CD163L1: variants seen among roughly 807,000 people sequenced by gnomAD.
CD163L1 encodes the protein CD163 molecule like 1, also known as scavenger receptor cysteine-rich type 1 protein M160.
Under a neutral mutation model 165.4 loss-of-function variants are expected in CD163L1, and 124 were observed. That is an observed-to-expected ratio of 0.75 (90% CI 0.65 to 0.87). CD163L1 has a LOEUF of 0.87. CD163L1 is among the 40% of genes least tolerant of loss of function. The pLI, the probability that CD163L1 is intolerant of heterozygous loss-of-function variation, is 0.00. For synonymous variants in CD163L1, 585 were observed against 662.2 expected, an observed-to-expected ratio of 0.88 and a Z score of 1.79; for missense variants, 1,525 against 1,799.9, an observed-to-expected ratio of 0.85 and a Z score of 2.76.
chr12:7,382,642 G>C (rs1430696746), intron 8 of CD163L1, among the ~76,000 whole-genome samples: 1 of 152,172 alleles, frequency 6.6e-6, no homozygotes, highest in Non-Finnish European at 1.5e-5. Flanking sequence ...CTAGTACAGG[G>C]AGCTGCCTAG....
At chr12:7,421,595 ATATATG>A (rs1449352027) in intron 4 of CD163L1, among the ~76,000 whole-genome samples, 1 of 12,312 alleles carries the variant, frequency 8.1e-5, no homozygotes, top group Non-Finnish European at 2.9e-4. Flanking sequence ...ATACATATAC[ATATATG>A]TACACATATA....
chr12:7,444,140 TC>T lies in CD163L1; in HGVS notation c.-14del. ...GAGGCAGCATCATTATGGGTCTATC[TC>T]TTCCTGAGTCCTGATGTAACTCCTG... On this transcript the variant is annotated 5_prime_UTR_variant, in exon 1 of 20. Coordinates refer to ENST00000313599, the MANE Select transcript of CD163L1 (RefSeq NM_174941.6). The T allele has an allele frequency of 6.2e-7, 1 of 1,613,664 alleles. No individual in the cohort carries two copies. The highest frequency in any genetic ancestry group is 1.3e-5 in the African/African-American group (1 of 75,040).
chr12:7,396,516 A>C, intron 7 of CD163L1, 101 bp from the exon 8 acceptor site: 1 of 1,107,346 alleles, frequency 9.0e-7, no homozygotes, highest in South Asian at 1.6e-5. Flanking sequence ...GTCAAACACC[A>C]GTCTAGATGG....
At chr12:7,403,948 T>A (rs138471895) in intron 5 of CD163L1, 93 bp from the exon 6 acceptor site, 2 of 947,234 alleles carry the variant, frequency 2.1e-6, no homozygotes, top group Non-Finnish European at 3.2e-6. Context: ...GAAGATTAGA[T>A]GTATCCTTCA....
downstream of CD163L1, among the ~76,000 whole-genome samples, chr12:7,352,692 G>A (rs1008998913): frequency 2.6e-5 from 4 of 151,960 alleles, no homozygotes; most frequent in African/African-American, 9.7e-5. Context: ...TTAAAACCAG[G>A]TTTGAAAATA....
At chr12:7,438,484 C>T (rs979138013) in intron 2 of CD163L1, among the ~76,000 whole-genome samples, 4 of 152,140 alleles carry the variant, frequency 2.6e-5, no homozygotes, top group African/African-American at 9.7e-5. Flanking sequence ...ATAAAATAAG[C>T]TGATGAAGCT....
chr12:7,321,253 G>C, the CD163L1 span, among the ~76,000 whole-genome samples: 27 of 152,134 alleles, frequency 1.8e-4, 1 homozygote, highest in African/African-American at 6.3e-4. Flanking sequence ...AGAAAGAAAA[G>C]CACATTTATA....
At chr12:7,383,865 C>A (rs560696768) in intron 8 of CD163L1, among the ~76,000 whole-genome samples, 1 of 152,072 alleles carries the variant, frequency 6.6e-6, no homozygotes, top group Non-Finnish European at 1.5e-5. Context: ...CGATTTTATA[C>A]CAGATGCACA....
chr12:7,379,127 C>G lies in CD163L1; in HGVS notation c.2222G>C (p.Arg741Thr), dbSNP rs1947331961. The part of the protein sequence containing the change: ...LECGSAIRVS[R>T]EPHFTERTLH... Reference sequence around the variant, plus strand: ...TGTTCTTTCTGTGAAATGAGGCTCTCTGGAGACCCTGATTGCAGACCCACA... The same window carrying G: ...TGTTCTTTCTGTGAAATGAGGCTCTGTGGAGACCCTGATTGCAGACCCACA... The change falls in exon 9 of 20, where the codon AGA becomes ACA. Residue 741 changes from arginine to threonine, a missense_variant. Physicochemically the swap from Arg to Thr is moderately conservative, Grantham distance 71. Coordinates refer to ENST00000313599, the MANE Select transcript of CD163L1 (RefSeq NM_174941.6). 1.2e-6 allele frequency: 2 copies of G among 1,614,058 alleles called. No homozygotes were observed. Among genetic ancestry groups the G allele is most frequent in the Non-Finnish European group, 1.7e-6 (2 of 1,180,030 alleles).
intron 8 of CD163L1, among the ~76,000 whole-genome samples, chr12:7,379,560 A>G (rs772783364): frequency 1.1e-4 from 16 of 152,240 alleles, no homozygotes; most frequent in Non-Finnish European, 2.1e-4. Flanking sequence ...GCAAGGATAT[A>G]GTTTTACTTA....
In CD163L1 at chr12:7,407,811, AC is replaced by A. The variant is rs1474492508; in HGVS notation, c.767-960del. On this transcript the variant is annotated intron_variant, in intron 4 of 19. Coordinates refer to ENST00000313599, the MANE Select transcript of CD163L1 (RefSeq NM_174941.6). Reference sequence around the variant, plus strand: ...CACACACACACACACACACACAGACACACACACACACACACATACACACACA... The same window carrying A: ...CACACACACACACACACACACAGACAACACACACACACACATACACACACA... 8.0e-5 allele frequency among the ~76,000 whole-genome samples: 12 copies of A among 150,190 alleles called. No homozygotes were observed. In the East Asian group the frequency reaches 2.2e-3, roughly 27 times the overall value.
chr12:7,391,159 A>G (rs1174403887), intron 8 of CD163L1, among the ~76,000 whole-genome samples: 3 of 152,200 alleles, frequency 2.0e-5, no homozygotes, highest in African/African-American at 7.2e-5. Flanking sequence ...ACAAACAGAA[A>G]GGAATAGTAT....
chr12:7,323,367 T>C, the CD163L1 span: 1 of 1,595,132 alleles, frequency 6.3e-7, no homozygotes, highest in Non-Finnish European at 8.6e-7. Flanking sequence ...AACGTTTTCC[T>C]TTTCTGCTAT....
chr12:7,399,662 T>A (rs1464041443), intron 6 of CD163L1, among the ~76,000 whole-genome samples: 5 of 151,954 alleles, frequency 3.3e-5, no homozygotes, highest in African/African-American at 4.8e-5. Flanking sequence ...TAGAGTGCTG[T>A]GGCACAATCT....
At position 7,393,175 on chromosome 12, in the gene CD163L1, A is replaced by C. The variant is rs149320956; in HGVS notation, c.2050+2920T>G. 1.8e-3 allele frequency among the ~76,000 whole-genome samples: 272 copies of C among 152,348 alleles called. 1 individual carries two copies. Among genetic ancestry groups the C allele is most frequent in the African/African-American group, 4.4e-3 (182 of 41,580 alleles). On this transcript the variant is annotated intron_variant, in intron 8 of 19. Transcript: ENST00000313599. ...GAACATCGATGCAAAAATCCTCAAT[A>C]AAATACTGGCAAACCGAATCCAGCA...
downstream of CD163L1, among the ~76,000 whole-genome samples, chr12:7,343,576 A>C (rs1049956513): frequency 2.6e-5 from 4 of 152,164 alleles, no homozygotes; most frequent in African/African-American, 9.7e-5. Flanking sequence ...CAAAAGCAAA[A>C]GAGAGAGCAG....
chr12:7,356,401 T>C (rs1437746817), intron 19 of CD163L1, among the ~76,000 whole-genome samples: 1 of 152,112 alleles, frequency 6.6e-6, no homozygotes, highest in Non-Finnish European at 1.5e-5. Context: ...AATAATATAT[T>C]TTTGAGAAAA....
rs1301437121 is a variant in CD163L1 at position 7,432,961 on chromosome 12, C to A, written c.446-225G>T. Reference sequence around the variant, plus strand: ...AAAAATCAATCATTAGCATGATATTCTTTATCATTTTGCTTTAATTTTATA... The same window carrying A: ...AAAAATCAATCATTAGCATGATATTATTTATCATTTTGCTTTAATTTTATA... On this transcript the variant is annotated intron_variant, in intron 3 of 19. Transcript: ENST00000313599. This position sits in a 1 kb window ranked among gnomAD's most constrained non-coding sequence, Gnocchi z 4.2. Among the ~76,000 whole-genome samples the A allele has an allele frequency of 2.0e-5, 3 of 152,058 alleles. No homozygotes were observed. The highest frequency in any genetic ancestry group is 7.2e-5 in the African/African-American group (3 of 41,420).
At chr12:7,356,867 G>A (rs1405762680) in intron 19 of CD163L1, among the ~76,000 whole-genome samples, 1 of 152,102 alleles carries the variant, frequency 6.6e-6, no homozygotes, top group African/African-American at 2.4e-5. Flanking sequence ...TAAACCTTTA[G>A]AGAATGATTT....
Sources: allele counts gnomAD v4.1 joint callset (sites outside exome capture counted in the v4.1 genomes callset), GRCh38; gene constraint gnomAD v4.1.1; non-coding constraint Gnocchi (gnomAD v3.1); transcripts MANE v1.5; gene names NCBI Gene and HGNC (gene_info 2026-07-23, HGNC 2026-07-21).